The following TASP1 variants were observed in gnomAD, a reference collection of about 807,000 sequenced individuals.
TASP1 encodes threonine aspartase 1.
Under a neutral mutation model 56.6 loss-of-function variants are expected in TASP1, and 16 were observed. The ratio of observed to expected loss-of-function variants is 0.28; its 90% CI spans 0.19 to 0.43. TASP1 has a LOEUF of 0.43. Ranked by LOEUF, TASP1 falls within the 20% of genes least tolerant of loss-of-function variation. TASP1 has a pLI of 1.00. For missense variants in TASP1, 393 were observed against 511.6 expected (o/e 0.77, Z 2.24); for synonymous variants, 179 against 184.2 (o/e 0.97, Z 0.23).
chr20:13,210,488 A>T, the TASP1 span, among the ~76,000 whole-genome samples: 8 of 152,156 alleles, frequency 5.3e-5, no homozygotes, highest in Non-Finnish European at 1.0e-4. Context: ...TTCTTTTGGA[A>T]GATTTTTTAA....
At chr20:13,355,191 T>C in the TASP1 span, among the ~76,000 whole-genome samples, 1 of 152,186 alleles carries the variant, frequency 6.6e-6, no homozygotes, top group Admixed American at 6.5e-5. Flanking sequence ...GCAGTAAGAC[T>C]TGAGCATAGG....
intron 10 of TASP1, among the ~76,000 whole-genome samples, chr20:13,495,805 A>ATTTTAGCCAG: frequency 6.6e-6 from 1 of 152,194 alleles, no homozygotes; most frequent in Non-Finnish European, 1.5e-5. Flanking sequence ...AAGTTAACTT[A>ATTTTAGCCAG]CAGTTTTATT....
intron 12 of TASP1, among the ~76,000 whole-genome samples, chr20:13,429,694 A>G (rs1328611488): frequency 1.3e-5 from 2 of 151,862 alleles, no homozygotes; most frequent in Non-Finnish European, 2.9e-5. Context: ...AAAGGTAGAG[A>G]GCATTGAAGT....
At chr20:13,153,212 C>T in the TASP1 span, among the ~76,000 whole-genome samples, 2 of 152,308 alleles carry the variant, frequency 1.3e-5, no homozygotes, top group South Asian at 4.1e-4. Flanking sequence ...AGTAGACAGG[C>T]ATCTTCAGGA....
downstream of TASP1, among the ~76,000 whole-genome samples, chr20:13,387,070 C>T (rs571150188): frequency 2.0e-5 from 3 of 151,978 alleles, no homozygotes; most frequent in Admixed American, 6.5e-5. Context: ...TCTTTGTGTC[C>T]GTGTGAACTC....
intron 13 of TASP1, among the ~76,000 whole-genome samples, chr20:13,395,242 CA>C (rs1348585157): frequency 6.6e-6 from 1 of 152,170 alleles, no homozygotes; most frequent in African/African-American, 2.4e-5. Context: ...ACAAATCCAG[CA>C]CAAGGAGGAA....
At chr20:13,158,839 G>A in the TASP1 span, among the ~76,000 whole-genome samples, 13 of 152,332 alleles carry the variant, frequency 8.5e-5, no homozygotes, top group South Asian at 2.7e-3. Context: ...AGCAAAACAA[G>A]TGAATGGAAG....
At chr20:13,386,174 C>T (rs1269128773), downstream of TASP1, among the ~76,000 whole-genome samples, 1 of 152,180 alleles carries the variant, frequency 6.6e-6, no homozygotes, top group East Asian at 1.9e-4. Context: ...GCTGAGCCAG[C>T]ATTGTATGGG....
chr20:13,373,107 T>C, the TASP1 span, among the ~76,000 whole-genome samples: 1 of 152,118 alleles, frequency 6.6e-6, no homozygotes, highest in Admixed American at 6.6e-5. Context: ...TTTCTAGTTC[T>C]CTTTATTTGT....
intron 1 of TASP1, among the ~76,000 whole-genome samples, chr20:13,636,993 G>C (rs2049334219): frequency 6.6e-6 from 1 of 152,118 alleles, no homozygotes; most frequent in Non-Finnish European, 1.5e-5. Flanking sequence ...AGAAAATATT[G>C]CAAATCATGT....
At chr20:13,630,659 A>C (rs1330821557) in intron 1 of TASP1, among the ~76,000 whole-genome samples, 3 of 137,296 alleles carry the variant, frequency 2.2e-5, no homozygotes, top group Non-Finnish European at 4.5e-5. Flanking sequence ...ACTACACTCC[A>C]GCCTGGGCAA....
At chr20:13,499,130 TA>T (rs2043848570) in intron 10 of TASP1, among the ~76,000 whole-genome samples, 1 of 151,910 alleles carries the variant, frequency 6.6e-6, no homozygotes, top group African/African-American at 2.4e-5. Context: ...TACGTAAATA[TA>T]AAAAAGAATG....
intron 4 of TASP1, among the ~76,000 whole-genome samples, chr20:13,594,360 T>G (rs1411269249): frequency 6.6e-6 from 1 of 152,206 alleles, no homozygotes; most frequent in Admixed American, 6.5e-5. Flanking sequence ...GGAACAAAGC[T>G]GGATGGAGAA....
the TASP1 span, among the ~76,000 whole-genome samples, chr20:13,138,222 C>G: frequency 6.6e-6 from 1 of 152,166 alleles, no homozygotes; most frequent in Non-Finnish European, 1.5e-5. Flanking sequence ...GACACTGTCC[C>G]CAAACTGAAG....
At chr20:13,552,494 C>T (rs2046012340) in intron 8 of TASP1, among the ~76,000 whole-genome samples, 1 of 152,118 alleles carries the variant, frequency 6.6e-6, no homozygotes, top group South Asian at 2.1e-4. Context: ...GACACTGCTG[C>T]CATTAAGGCT....
the TASP1 span, chr20:13,279,968 C>T: frequency 7.0e-7 from 1 of 1,421,300 alleles, no homozygotes; most frequent in Non-Finnish European, 9.6e-7. Context: ...GGACATGGAG[C>T]CAAGCAAAAC....
the TASP1 span, among the ~76,000 whole-genome samples, chr20:13,139,920 T>C: frequency 6.6e-6 from 1 of 152,212 alleles, no homozygotes; most frequent in Non-Finnish European, 1.5e-5. Flanking sequence ...TCGGGTCTAC[T>C]AGTCTGGCTT....
intron 12 of TASP1, among the ~76,000 whole-genome samples, chr20:13,424,739 T>C (rs370370867): frequency 1.8e-4 from 27 of 152,256 alleles, no homozygotes; most frequent in Admixed American, 1.4e-3. Flanking sequence ...AAAATGCTTA[T>C]GTTCTTTAGA....
the TASP1 span, among the ~76,000 whole-genome samples, chr20:13,286,853 A>T: frequency 9.2e-3 from 1,407 of 152,372 alleles, 15 homozygotes; most frequent in South Asian, 0.023. Context: ...ACGACCTGTT[A>T]TGAACAGAGG....
Sources: gnomAD v4.1 joint callset for allele counts (sites outside exome capture counted in the v4.1 genomes callset) on GRCh38, gnomAD v4.1.1 for gene constraint, MANE v1.5 for transcripts, NCBI Gene and HGNC (gene_info 2026-07-23, HGNC 2026-07-21) for gene names.